Variants in CLASP1 observed in about 807,000 individuals in gnomAD.
CLASP1 encodes the protein cytoplasmic linker associated protein 1, also known as CLIP-associating protein 1.
Under a neutral mutation model 192.3 loss-of-function variants are expected in CLASP1, and 38 were observed. The ratio of observed to expected loss-of-function variants is 0.20; its 90% CI spans 0.15 to 0.26. The LOEUF (loss-of-function observed/expected upper bound fraction) is 0.26, where lower values mean the gene tolerates loss of function less well. Among genes scored for constraint, CLASP1 ranks in the 10% least tolerant of loss-of-function variants. The pLI is 1.00. For missense variants in CLASP1, 1,433 were observed against 1,932.5 expected, an observed-to-expected ratio of 0.74 and a Z score of 4.85; for synonymous variants, 691 against 712.8, an observed-to-expected ratio of 0.97 and a Z score of 0.49.
intron 32 of CLASP1, 37 bp downstream of exon 33, chr2:121,387,085 T>C: frequency 3.9e-6 from 6 of 1,540,098 alleles, no homozygotes; most frequent in Non-Finnish European, 5.4e-6. Flanking sequence ...GTGCTTTAGT[T>C]TCTTTACATC....
chr2:121,511,601 A>G (rs561236032), intron 7 of CLASP1, among the ~76,000 whole-genome samples: 280 of 149,780 alleles, frequency 1.9e-3, no homozygotes, highest in Non-Finnish European at 2.9e-3. Context: ...AAAAAAAAAA[A>G]AGAGAGAGAG....
intron 8 of CLASP1, among the ~76,000 whole-genome samples, chr2:121,494,055 C>G (rs181822713): frequency 1.3e-5 from 2 of 152,264 alleles, no homozygotes; most frequent in African/African-American, 4.8e-5. Context: ...CCTCAAAACA[C>G]TAAAACTAGA....
chr2:121,355,406 G>A (rs1244848919), intron 37 of CLASP1, among the ~76,000 whole-genome samples: 1 of 152,162 alleles, frequency 6.6e-6, no homozygotes, highest in Non-Finnish European at 1.5e-5. Flanking sequence ...TGGGATTACC[G>A]GTGTGAGCCA....
At chr2:121,471,386 T>A (rs999534078) in intron 8 of CLASP1, among the ~76,000 whole-genome samples, 1 of 152,168 alleles carries the variant, frequency 6.6e-6, no homozygotes, top group Non-Finnish European at 1.5e-5. Context: ...AGTGAGTCAT[T>A]TAGGAGGCTA....
exon 35 of CLASP1, chr2:121,367,683 T>C (rs1431476420): frequency 3.7e-6 from 6 of 1,613,894 alleles, no homozygotes; most frequent in Non-Finnish European, 5.1e-6. Flanking sequence ...GTACGGGTTG[T>C]AGTCTCGCGC....
chr2:121,338,991 CA>C (rs2062568809), exon 40 of CLASP1: 1 of 152,550 alleles, frequency 6.6e-6, no homozygotes, highest in Admixed American at 6.5e-5. Context: ...TACTTATCAA[CA>C]AAAGACCTGG....
At chr2:121,503,050 A>T (rs1055453327) in intron 8 of CLASP1, 117 bp downstream of exon 8, 4 of 652,476 alleles carry the variant, frequency 6.1e-6, no homozygotes, top group African/African-American at 5.5e-5. Flanking sequence ...AATGGAGGTT[A>T]AGTTTTAAGA....
At chr2:121,403,508 A>T in intron 26 of CLASP1, 1 of 456,656 alleles carries the variant, frequency 2.2e-6, no homozygotes, top group Non-Finnish European at 4.4e-6. Context: ...GACTTGGAGG[A>T]GCCCATCTTT....
intron 2 of CLASP1, among the ~76,000 whole-genome samples, chr2:121,593,347 C>T (rs187118735): frequency 2.0e-5 from 3 of 152,134 alleles, no homozygotes; most frequent in East Asian, 3.9e-4. Context: ...TGGCCGGGCA[C>T]GGTGGCTCAC....
At chr2:121,447,790 C>T (rs1326727727) in intron 18 of CLASP1, among the ~76,000 whole-genome samples, 8 of 152,098 alleles carry the variant, frequency 5.3e-5, no homozygotes, top group Admixed American at 3.9e-4. Context: ...CTGCTTACTA[C>T]GAAGAAGTGA....
At chr2:121,514,513 AAAAAC>A (rs2094232442) in intron 7 of CLASP1, among the ~76,000 whole-genome samples, 1 of 152,170 alleles carries the variant, frequency 6.6e-6, no homozygotes, top group Non-Finnish European at 1.5e-5. Flanking sequence ...CTTAAAAAAA[AAAAAC>A]AAAACAAAAA....
At chr2:121,407,611 C>T in exon 25 of CLASP1, 1 of 1,613,980 alleles carries the variant, frequency 6.2e-7, no homozygotes, top group African/African-American at 1.3e-5. Flanking sequence ...TGCCACCATT[C>T]CTGGAGCCAT....
intron 1 of CLASP1, among the ~76,000 whole-genome samples, chr2:121,641,782 T>G (rs958898868): frequency 7.9e-5 from 12 of 152,266 alleles, no homozygotes; most frequent in Admixed American, 2.0e-4. Flanking sequence ...AACATTTTTG[T>G]GAAACTAACA....
chr2:121,556,540 C>T (rs2058588315), intron 2 of CLASP1, among the ~76,000 whole-genome samples: 1 of 152,180 alleles, frequency 6.6e-6, no homozygotes, highest in Non-Finnish European at 1.5e-5. Context: ...AATGCTCTTC[C>T]CCAAGATACC....
chr2:121,574,878 G>C (rs2060347117), intron 2 of CLASP1, among the ~76,000 whole-genome samples: 1 of 151,562 alleles, frequency 6.6e-6, no homozygotes, highest in Non-Finnish European at 1.5e-5. Flanking sequence ...AGGAATTGGA[G>C]GTTGCAGTGA....
chr2:121,618,068 G>A (rs2066742948), intron 1 of CLASP1, among the ~76,000 whole-genome samples: 1 of 152,102 alleles, frequency 6.6e-6, no homozygotes, highest in South Asian at 2.1e-4. Flanking sequence ...GCCATTCTAG[G>A]GGTACTCCCT....
chr2:121,522,749 G>C (rs2094487099), intron 6 of CLASP1, among the ~76,000 whole-genome samples: 1 of 152,106 alleles, frequency 6.6e-6, no homozygotes, highest in Non-Finnish European at 1.5e-5. Flanking sequence ...GTCTACTCCA[G>C]GGCTGCCAAT....
intron 8 of CLASP1, among the ~76,000 whole-genome samples, chr2:121,500,695 G>A (rs2093725269): frequency 6.6e-6 from 1 of 152,096 alleles, no homozygotes; most frequent in Admixed American, 6.5e-5. Flanking sequence ...AAATCATTTA[G>A]GTTAGAAATT....
chr2:121,387,139 A>G (rs372054764), exon 32 of CLASP1: 43 of 1,613,602 alleles, frequency 2.7e-5, no homozygotes, highest in Non-Finnish European at 3.0e-5. Context: ...ACAGACCCCC[A>G]TGGGAACAGT....
Sources: allele counts gnomAD v4.1 joint callset (sites outside exome capture counted in the v4.1 genomes callset), GRCh38; gene constraint gnomAD v4.1.1; transcripts MANE v1.5; gene names NCBI Gene and HGNC (gene_info 2026-07-23, HGNC 2026-07-21).